Variants in MDGA2 observed in about 807,000 individuals in gnomAD.
The protein encoded by MDGA2 is MAM domain-containing glycosylphosphatidylinositol anchor protein 2.
In MDGA2, 40 loss-of-function variants were observed where a neutral mutation model predicts 117.8. The ratio of observed to expected loss-of-function variants is 0.34; its 90% CI spans 0.26 to 0.44. The LOEUF (loss-of-function observed/expected upper bound fraction) is 0.44, where lower values mean the gene tolerates loss of function less well. Among genes scored for constraint, MDGA2 ranks in the 20% least tolerant of loss-of-function variants. The pLI is 1.00. For missense variants in MDGA2, 1,123 were observed against 1,250.6 expected (o/e 0.90, Z 1.54); for synonymous variants, 452 against 439.0 (o/e 1.03, Z -0.37).
chr14:47,559,193 A>G (rs1414414261), intron 1 of MDGA2, among the ~76,000 whole-genome samples: 1 of 152,160 alleles, frequency 6.6e-6, no homozygotes, highest in Middle Eastern at 3.2e-3. Flanking sequence ...CACCCAGGTA[A>G]TAAGCATAGT....
At chr14:47,166,811 A>G (rs767546359) in intron 3 of MDGA2, among the ~76,000 whole-genome samples, 7 of 152,220 alleles carry the variant, frequency 4.6e-5, no homozygotes, top group Non-Finnish European at 7.3e-5. Context: ...TTGTAGCCTG[A>G]TAGTACTAAG....
chr14:47,363,440 T>C (rs1891168115), intron 1 of MDGA2, among the ~76,000 whole-genome samples: 1 of 151,854 alleles, frequency 6.6e-6, no homozygotes, highest in African/African-American at 2.4e-5. Flanking sequence ...GTATTTTTAG[T>C]AGAGGTGGGG....
At chr14:47,505,144 T>G (rs1364532877) in intron 1 of MDGA2, among the ~76,000 whole-genome samples, 1 of 152,000 alleles carries the variant, frequency 6.6e-6, no homozygotes, top group Admixed American at 6.6e-5. Flanking sequence ...ATGTGGAATC[T>G]TTAAAAAAGA....
intron 8 of MDGA2, among the ~76,000 whole-genome samples, chr14:47,024,454 G>A (rs1594538744): frequency 2.6e-5 from 4 of 152,042 alleles, no homozygotes; most frequent in Admixed American, 6.6e-5. Context: ...TATATTTCAA[G>A]GCAAATAACT....
intron 3 of MDGA2, among the ~76,000 whole-genome samples, chr14:47,177,105 C>A (rs1387890046): frequency 6.6e-6 from 1 of 152,130 alleles, no homozygotes; most frequent in African/African-American, 2.4e-5. Context: ...CAATGAGATA[C>A]CATCTCACAC....
At chr14:47,335,842 A>T (rs1410264820) in intron 1 of MDGA2, among the ~76,000 whole-genome samples, 1 of 150,592 alleles carries the variant, frequency 6.6e-6, no homozygotes, top group East Asian at 2.0e-4. Context: ...GGATGCTTTC[A>T]GTTTAACTCA....
At chr14:47,521,367 T>G (rs567751479) in intron 1 of MDGA2, among the ~76,000 whole-genome samples, 4 of 152,310 alleles carry the variant, frequency 2.6e-5, no homozygotes, top group South Asian at 2.1e-4. Context: ...ATTTACCAGG[T>G]GCAGTGATGC....
At chr14:47,398,348 C>T (rs947736831) in intron 1 of MDGA2, among the ~76,000 whole-genome samples, 1 of 152,128 alleles carries the variant, frequency 6.6e-6, no homozygotes, top group African/African-American at 2.4e-5. Context: ...CAGTATTGAG[C>T]CAGGCAGACC....
chr14:47,440,761 G>T (rs543069743), intron 1 of MDGA2, among the ~76,000 whole-genome samples: 1 of 152,094 alleles, frequency 6.6e-6, no homozygotes, highest in South Asian at 2.1e-4. Context: ...TCTCACTCTA[G>T]GGGTGCCCTT....
At chr14:47,223,789 G>T (rs1366478549) in intron 2 of MDGA2, among the ~76,000 whole-genome samples, 1 of 152,118 alleles carries the variant, frequency 6.6e-6, no homozygotes, top group South Asian at 2.1e-4. Flanking sequence ...AAGGAAACAG[G>T]TTTAACTGAC....
intron 1 of MDGA2, among the ~76,000 whole-genome samples, chr14:47,636,087 G>A (rs1011459189): frequency 6.6e-6 from 1 of 152,000 alleles, no homozygotes; most frequent in Admixed American, 6.5e-5. Flanking sequence ...TAGGGAATAA[G>A]GCTTGCCAGT....
At chr14:47,562,940 C>A (rs1895843925) in intron 1 of MDGA2, among the ~76,000 whole-genome samples, 1 of 151,924 alleles carries the variant, frequency 6.6e-6, no homozygotes, top group Non-Finnish European at 1.5e-5. Flanking sequence ...TATCGTTGTT[C>A]TCATTAATTT....
chr14:47,242,852 C>G (rs1380133753), intron 2 of MDGA2, among the ~76,000 whole-genome samples: 1 of 151,848 alleles, frequency 6.6e-6, no homozygotes, highest in Non-Finnish European at 1.5e-5. Context: ...GACTGGCAGG[C>G]AGTTCCACCT....
At chr14:47,155,662 C>A (rs1883338132) in intron 3 of MDGA2, among the ~76,000 whole-genome samples, 1 of 144,358 alleles carries the variant, frequency 6.9e-6, no homozygotes, top group Non-Finnish European at 1.5e-5. Flanking sequence ...CCTCACCGTT[C>A]CATGGCTGGC....
chr14:47,498,548 C>T (rs949304145), intron 1 of MDGA2, among the ~76,000 whole-genome samples: 3 of 152,018 alleles, frequency 2.0e-5, no homozygotes, highest in Non-Finnish European at 4.4e-5. Flanking sequence ...ATTATAGGTA[C>T]AAGAGAAATC....
At position 47,173,079 on chromosome 14, in the gene MDGA2, C is replaced by T. The variant is rs529721425; in HGVS notation, c.596-28805G>A. ...GGAAGATGAAATGAATGAAATGAAG[C>T]GAGAAGGGAAGTTTAGAGAAAAAAG... On this transcript the variant is annotated intron_variant, in intron 3 of 16. Coordinates refer to ENST00000399232, the MANE Select transcript of MDGA2 (RefSeq NM_001113498.3). Among the ~76,000 whole-genome samples the T allele has an allele frequency of 1.7e-3, 257 of 151,894 alleles. 3 individuals are homozygous for T. Among genetic ancestry groups the T allele is most frequent in the East Asian group, 7.7e-4 (4 of 5,162 alleles).
chr14:47,332,034 T>TA (rs1566742298), intron 1 of MDGA2, among the ~76,000 whole-genome samples: 2 of 152,046 alleles, frequency 1.3e-5, no homozygotes, highest in Non-Finnish European at 1.5e-5. Context: ...CTAGTCATAA[T>TA]AAAAACTTGC....
intron 3 of MDGA2, among the ~76,000 whole-genome samples, chr14:47,175,199 C>G (rs1884380419): frequency 6.6e-6 from 1 of 151,496 alleles, no homozygotes; most frequent in Non-Finnish European, 1.5e-5. Context: ...GATGGATTCA[C>G]AGCCGAATTC....
intron 1 of MDGA2, among the ~76,000 whole-genome samples, chr14:47,609,428 C>CATATATATATGTATATATATAT (rs1896800137): frequency 5.7e-5 from 1 of 17,558 alleles, no homozygotes; most frequent in Non-Finnish European, 1.4e-4. Flanking sequence ...AGTATTCCAT[C>CATATATATATGTATATATATAT]ATATATATAT....
Sources: gnomAD v4.1 joint callset for allele counts (sites outside exome capture counted in the v4.1 genomes callset) on GRCh38, gnomAD v4.1.1 for gene constraint, MANE v1.5 for transcripts, NCBI Gene and HGNC (gene_info 2026-07-23, HGNC 2026-07-21) for gene names.